COP1: variants seen among roughly 807,000 people sequenced by gnomAD.
COP1 encodes E3 ubiquitin-protein ligase COP1.
In COP1, 24 loss-of-function variants were observed where a neutral mutation model predicts 101.3. The ratio of observed to expected loss-of-function variants is 0.24; its 90% CI spans 0.17 to 0.33. COP1 has a LOEUF of 0.33. Among genes scored for constraint, COP1 ranks in the 10% least tolerant of loss-of-function variants. The pLI, the probability that COP1 is intolerant of heterozygous loss-of-function variation, is 1.00. For synonymous variants in COP1, 347 were observed against 341.9 expected, an observed-to-expected ratio of 1.01 and a Z score of -0.17; for missense variants, 663 against 906.2, an observed-to-expected ratio of 0.73 and a Z score of 3.45.
At chr1:176,169,903 T>A (rs1460433840) in intron 3 of COP1, among the ~76,000 whole-genome samples, 1 of 152,274 alleles carries the variant, frequency 6.6e-6, no homozygotes, top group African/African-American at 2.4e-5. Context: ...TCTGAAGCCC[T>A]CTTGCTGCTT....
rs1486964279 is a variant in COP1 at position 175,975,464 on chromosome 1, C to T, written c.2133+11479G>A. Among the ~76,000 whole-genome samples, 3 of 152,132 alleles carry T rather than the reference C, an allele frequency of 2.0e-5. No homozygotes were observed. The East Asian group carries it at 5.8e-4, about 29-fold the overall frequency. On this transcript the variant is annotated intron_variant, in intron 18 of 19. Transcript: ENST00000367669. ...ACACTTTGTCACCCAGGCTGGAGTG[C>T]AGTGCCACGATCTCGGCTCACTGCA...
intron 14 of COP1, among the ~76,000 whole-genome samples, chr1:176,038,373 A>T (rs1367501387): frequency 6.6e-6 from 1 of 152,254 alleles, no homozygotes; most frequent in African/African-American, 2.4e-5. Context: ...GCAGGATTTT[A>T]TGTAGGTACT....
At chr1:176,012,416 G>A (rs900236833) in intron 15 of COP1, among the ~76,000 whole-genome samples, 7 of 152,098 alleles carry the variant, frequency 4.6e-5, no homozygotes, top group African/African-American at 9.7e-5. Flanking sequence ...GTAAGCCACC[G>A]CACCCAGCCA....
intron 15 of COP1, among the ~76,000 whole-genome samples, chr1:176,000,121 C>A (rs952033635): frequency 8.6e-5 from 13 of 151,930 alleles, no homozygotes; most frequent in Admixed American, 3.9e-4. Context: ...TGATATGATC[C>A]CATTTGTCCA....
At chr1:176,041,814 A>T (rs187198584) in intron 14 of COP1, among the ~76,000 whole-genome samples, 2,601 of 152,198 alleles carry the variant, frequency 0.017, 71 homozygotes, top group African/African-American at 0.059. Flanking sequence ...AAAAATTTTT[A>T]AAAAATTAAC....
At chr1:176,168,480 G>A in intron 3 of COP1, among the ~76,000 whole-genome samples, 1 of 118,628 alleles carries the variant, frequency 8.4e-6, no homozygotes, top group Non-Finnish European at 1.9e-5. Flanking sequence ...AAGGGAGGAA[G>A]GCAGGAAGGG....
intron 5 of COP1, among the ~76,000 whole-genome samples, chr1:176,161,281 T>C (rs1694283797): frequency 6.6e-6 from 1 of 152,194 alleles, no homozygotes; most frequent in Non-Finnish European, 1.5e-5. Context: ...CTGCGTATGT[T>C]CAATCTCTCA....
At chr1:175,984,262 C>T (rs1368438035) in intron 18 of COP1, among the ~76,000 whole-genome samples, 1 of 152,192 alleles carries the variant, frequency 6.6e-6, no homozygotes, top group East Asian at 1.9e-4. Flanking sequence ...GACTTGGTGT[C>T]CTGTGTCCCT....
At chr1:176,099,010 A>G (rs915884397) in intron 9 of COP1, among the ~76,000 whole-genome samples, 2 of 152,238 alleles carry the variant, frequency 1.3e-5, no homozygotes, top group African/African-American at 4.8e-5. Context: ...GGGATTCCAA[A>G]AATTCTAATG....
At chr1:176,098,571 C>T (rs1339314199) in intron 9 of COP1, among the ~76,000 whole-genome samples, 1 of 152,178 alleles carries the variant, frequency 6.6e-6, no homozygotes, top group Non-Finnish European at 1.5e-5. Flanking sequence ...TATTGACTAA[C>T]TTCAAAAAGG....
At chr1:176,121,127 A>C (rs1039509802) in intron 8 of COP1, among the ~76,000 whole-genome samples, 22 of 152,040 alleles carry the variant, frequency 1.4e-4, no homozygotes, top group African/African-American at 5.3e-4. Context: ...TACAAATAAA[A>C]CTTTTTCCTT....
chr1:175,968,466 T>C (rs776610636), intron 18 of COP1: 4 of 519,202 alleles, frequency 7.7e-6, no homozygotes, highest in South Asian at 1.4e-5. Context: ...CATATATTTA[T>C]GTAGGATCGC....
chr1:175,962,843 A>G (rs1651542194), intron 18 of COP1, among the ~76,000 whole-genome samples: 1 of 152,170 alleles, frequency 6.6e-6, no homozygotes, highest in Non-Finnish European at 1.5e-5. Context: ...AAGTTAAATA[A>G]GTGAATTCTT....
chr1:176,076,159 C>CAG (rs1329837929), intron 11 of COP1, among the ~76,000 whole-genome samples: 1 of 151,992 alleles, frequency 6.6e-6, no homozygotes, highest in Admixed American at 6.6e-5. Context: ...CCAACAACCA[C>CAG]AGAATATACA....
intron 9 of COP1, among the ~76,000 whole-genome samples, chr1:176,091,360 A>C (rs66670561): frequency 0.74 from 108,832 of 146,874 alleles, 42,181 homozygotes; most frequent in East Asian, 0.91. Context: ...AAAAAAAAAC[A>C]AAAAAAAAAA....
intron 1 of COP1, among the ~76,000 whole-genome samples, chr1:176,197,291 T>C (rs1572806206): frequency 6.6e-6 from 1 of 152,142 alleles, no homozygotes; most frequent in African/African-American, 2.4e-5. Flanking sequence ...GACACATGCC[T>C]GTAGAGCCAG....
At chr1:176,117,033 G>A (rs1686309510) in intron 8 of COP1, among the ~76,000 whole-genome samples, 1 of 152,170 alleles carries the variant, frequency 6.6e-6, no homozygotes, top group Admixed American at 6.6e-5. Context: ...ATTGGGAAAA[G>A]AGCACAAGCA....
intron 14 of COP1, among the ~76,000 whole-genome samples, chr1:176,041,503 C>T (rs1405211682): frequency 6.6e-6 from 1 of 151,974 alleles, no homozygotes; most frequent in African/African-American, 2.4e-5. Flanking sequence ...CCTGCACCAC[C>T]ACACCTGGCT....
chr1:176,168,549 G>GGCAA (rs1469437101), intron 3 of COP1: 2 of 152,288 alleles, frequency 1.3e-5, no homozygotes, highest in African/African-American at 4.8e-5. Flanking sequence ...CAAGCAAGCA[G>GGCAA]GCAAGCAAGG....
Sources: allele counts gnomAD v4.1 joint callset (sites outside exome capture counted in the v4.1 genomes callset), GRCh38; gene constraint gnomAD v4.1.1; transcripts MANE v1.5; gene names NCBI Gene and HGNC (gene_info 2026-07-23, HGNC 2026-07-21).